GPHN: variants seen among roughly 807,000 people sequenced by gnomAD.
GPHN encodes the protein gephyrin.
Under a neutral mutation model 95.5 loss-of-function variants are expected in GPHN, and 17 were observed. That is an observed-to-expected ratio of 0.18 (90% confidence interval 0.12 to 0.27). The LOEUF is 0.27. Ranked by LOEUF, GPHN falls within the 10% of genes least tolerant of loss-of-function variation. The pLI, the probability that GPHN is intolerant of heterozygous loss-of-function variation, is 1.00. For missense variants in GPHN, 660 were observed against 978.1 expected (o/e 0.67, Z 4.34); for synonymous variants, 320 against 322.5 (o/e 0.99, Z 0.08).
the GPHN span, among the ~76,000 whole-genome samples, chr14:67,634,063 T>A: frequency 1.3e-5 from 2 of 152,206 alleles, no homozygotes; most frequent in African/African-American, 4.8e-5. Flanking sequence ...ATTCCTAGGA[T>A]TTAGTGGAGT....
chr14:66,807,609 G>A (rs1442860468), intron 3 of GPHN, among the ~76,000 whole-genome samples: 1 of 152,136 alleles, frequency 6.6e-6, no homozygotes, highest in African/African-American at 2.4e-5. Context: ...TAAGAATGTT[G>A]TTTCTGAACT....
intron 17 of GPHN, among the ~76,000 whole-genome samples, chr14:67,126,032 T>G (rs903461253): frequency 1.3e-5 from 2 of 152,186 alleles, no homozygotes; most frequent in Non-Finnish European, 2.9e-5. Flanking sequence ...CCTTTTATTT[T>G]AAAAGGTTAA....
the GPHN span, among the ~76,000 whole-genome samples, chr14:67,544,912 G>C: frequency 6.6e-6 from 1 of 152,204 alleles, no homozygotes; most frequent in African/African-American, 2.4e-5. Flanking sequence ...TTCCATGAAA[G>C]ATAGTGGCTG....
chr14:67,515,922 A>C, the GPHN span, among the ~76,000 whole-genome samples: 1 of 152,272 alleles, frequency 6.6e-6, no homozygotes, highest in Non-Finnish European at 1.5e-5. Flanking sequence ...TATGGAAGTT[A>C]AGGAATTTGC....
intron 5 of GPHN, among the ~76,000 whole-genome samples, chr14:66,895,420 A>G (rs1360972939): frequency 6.6e-6 from 1 of 152,152 alleles, no homozygotes; most frequent in Non-Finnish European, 1.5e-5. Context: ...TGACGAGTTA[A>G]TGGGTGCAGC....
intron 1 of GPHN, among the ~76,000 whole-genome samples, chr14:66,529,007 C>T (rs757768988): frequency 3.5e-4 from 54 of 152,204 alleles, no homozygotes; most frequent in Non-Finnish European, 6.0e-4. Context: ...TGAATGTTGG[C>T]CTGTCTTGCT....
rs182676131 is a variant in GPHN, at chr14:67,176,326, T to G, written c.2080-3252T>G. Among the ~76,000 whole-genome samples, 252 of 152,276 alleles carry G rather than the reference T, an allele frequency of 1.7e-3. 1 individual carries two copies. The highest frequency in any genetic ancestry group is 3.4e-3 in the Middle Eastern group (1 of 294). On this transcript the variant is annotated intron_variant, in intron 21 of 22. Transcript: ENST00000478722. ...TGTCGAAGGCCTTTTCTGCATGTAT[T>G]GAGATAATCATGTGGTTTTTGTCGT...
At chr14:66,894,981 C>A (rs925180948) in intron 5 of GPHN, among the ~76,000 whole-genome samples, 9 of 152,166 alleles carry the variant, frequency 5.9e-5, no homozygotes, top group African/African-American at 1.7e-4. Flanking sequence ...CTAGAAATAC[C>A]ATTTGACCCA....
At chr14:66,850,694 A>T (rs537322962) in intron 4 of GPHN, among the ~76,000 whole-genome samples, 1 of 152,242 alleles carries the variant, frequency 6.6e-6, no homozygotes, top group Non-Finnish European at 1.5e-5. Context: ...CAGTCCCGGC[A>T]ATAAAGAATT....
At chr14:66,643,241 A>C (rs1246645539) in intron 1 of GPHN, among the ~76,000 whole-genome samples, 1 of 152,120 alleles carries the variant, frequency 6.6e-6, no homozygotes, top group Non-Finnish European at 1.5e-5. Context: ...CTAAGTAAAA[A>C]AGATGCCTTT....
intron 2 of GPHN, among the ~76,000 whole-genome samples, chr14:66,751,593 CT>C (rs1337595924): frequency 6.6e-6 from 1 of 152,004 alleles, no homozygotes; most frequent in Non-Finnish European, 1.5e-5. Context: ...GGATACTAGA[CT>C]TTTGTCAGAT....
chr14:67,306,408 G>A, the GPHN span, among the ~76,000 whole-genome samples: 1 of 151,772 alleles, frequency 6.6e-6, no homozygotes, highest in Non-Finnish European at 1.5e-5. Context: ...ACAGTGGTGC[G>A]ATCTTGGCTC....
At chr14:66,508,742 C>A in intron 1 of GPHN, 151 bp downstream of exon 1, 1 of 734,672 alleles carries the variant, frequency 1.4e-6, no homozygotes, top group Non-Finnish European at 2.4e-6. Context: ...CGCTGAGAAC[C>A]GCCGGAGATT....
the GPHN span, among the ~76,000 whole-genome samples, chr14:67,408,676 C>A: frequency 6.6e-6 from 1 of 152,144 alleles, no homozygotes; most frequent in Non-Finnish European, 1.5e-5. Context: ...CCTGCAAACA[C>A]CAGAAGCTAG....
At chr14:67,148,557 G>GTTTTTT (rs1297273978) in intron 18 of GPHN, among the ~76,000 whole-genome samples, 4 of 124,786 alleles carry the variant, frequency 3.2e-5, no homozygotes, top group Admixed American at 8.2e-5. Flanking sequence ...GACTTTATTT[G>GTTTTTT]CTTTTTTTTT....
Position 67,119,649 on chromosome 14 carries a change from G to C in GPHN, c.1627-2607G>C, listed in dbSNP as rs552640409. The stretch of plus-strand genomic sequence containing the variant: ...CTACTAAAAATACAAAATTAGCCGG[G>C]CGTGGTGGCGCATGCCTGTAATCCC... On this transcript the variant is annotated intron_variant, in intron 16 of 22. Coordinates refer to ENST00000478722, the MANE Select transcript of GPHN (RefSeq NM_020806.5). Among the ~76,000 whole-genome samples, 11 of 152,204 alleles carry C rather than the reference G, an allele frequency of 7.2e-5. No homozygotes were observed. In the South Asian group the frequency reaches 1.7e-3, roughly 23 times the overall value.
At chr14:66,704,240 G>A (rs939861692) in intron 2 of GPHN, among the ~76,000 whole-genome samples, 3 of 152,104 alleles carry the variant, frequency 2.0e-5, no homozygotes, top group Non-Finnish European at 4.4e-5. Context: ...ACACCCCACT[G>A]TCAATATTAG....
intron 8 of GPHN, among the ~76,000 whole-genome samples, chr14:66,953,307 T>C (rs2068245631): frequency 6.6e-6 from 1 of 151,846 alleles, no homozygotes; most frequent in African/African-American, 2.4e-5. Flanking sequence ...TAATGTCCTT[T>C]GCACAAAAGT....
chr14:66,940,257 G>A (rs982241763), intron 8 of GPHN, among the ~76,000 whole-genome samples: 9 of 151,786 alleles, frequency 5.9e-5, no homozygotes, highest in Non-Finnish European at 1.2e-4. Context: ...GCGTTTTGTT[G>A]TTGTTTTTTT....
Sources: gnomAD v4.1 joint callset for allele counts (sites outside exome capture counted in the v4.1 genomes callset) on GRCh38, gnomAD v4.1.1 for gene constraint, MANE v1.5 for transcripts, NCBI Gene and HGNC (gene_info 2026-07-23, HGNC 2026-07-21) for gene names.